The following DIAPH3 variants were observed in gnomAD, a reference collection of about 807,000 sequenced individuals.
DIAPH3 encodes the protein diaphanous related formin 3.
Under a neutral mutation model 144.3 loss-of-function variants are expected in DIAPH3, and 117 were observed. The ratio of observed to expected loss-of-function variants is 0.81; its 90% CI spans 0.70 to 0.95. DIAPH3 has a LOEUF of 0.95. DIAPH3 is among the 40% of genes least tolerant of loss of function. The pLI, the probability that DIAPH3 is intolerant of heterozygous loss-of-function variation, is 0.00. For synonymous variants in DIAPH3, 519 were observed against 488.9 expected (o/e 1.06, Z -0.81); for missense variants, 1,421 against 1,412.7 (o/e 1.01, Z -0.09).
intron 5 of DIAPH3, among the ~76,000 whole-genome samples, chr13:60,039,613 T>A (rs2055484887): frequency 6.6e-6 from 1 of 152,066 alleles, no homozygotes; most frequent in South Asian, 2.1e-4. Flanking sequence ...CTTCCTTCAT[T>A]TTTTATTTAA....
At chr13:59,673,596 A>G (rs1250953480) in intron 27 of DIAPH3, among the ~76,000 whole-genome samples, 1 of 152,120 alleles carries the variant, frequency 6.6e-6, no homozygotes, top group East Asian at 1.9e-4. Flanking sequence ...ATGACTCAGG[A>G]TGGGGGTTAA....
At chr13:60,130,670 C>T (rs1325706288) in intron 2 of DIAPH3, among the ~76,000 whole-genome samples, 2 of 152,200 alleles carry the variant, frequency 1.3e-5, no homozygotes, top group African/African-American at 4.8e-5. Context: ...AAAATACTCA[C>T]TATGTGCCAG....
intron 27 of DIAPH3, among the ~76,000 whole-genome samples, chr13:59,744,084 T>A (rs1217260344): frequency 1.3e-5 from 2 of 152,300 alleles, no homozygotes; most frequent in South Asian, 4.1e-4. Flanking sequence ...CATATGTTCA[T>A]TTTGAGAAAA....
rs2050761676 is a variant in DIAPH3, at chr13:59,977,799, T to C, written c.1545+2996A>G. On this transcript the variant is annotated intron_variant, in intron 14 of 27. Coordinates refer to ENST00000400324, the MANE Select transcript of DIAPH3 (RefSeq NM_001042517.2). ...TTTACAAGCTAGAAAAAAAGTGTTG[T>C]TATTTGGGGAAAATAAATAAGGTTA... Among the ~76,000 whole-genome samples, 8 of 151,790 alleles carry C rather than the reference T, an allele frequency of 5.3e-5. No homozygotes were observed. In the South Asian group the frequency reaches 1.7e-3, roughly 31 times the overall value.
chr13:59,809,134 G>A (rs2040338745), intron 25 of DIAPH3, among the ~76,000 whole-genome samples: 1 of 152,024 alleles, frequency 6.6e-6, no homozygotes, highest in Admixed American at 6.5e-5. Context: ...TCAGACCCTG[G>A]GCAAAACCCA....
At chr13:59,818,280 T>G (rs373043916) in intron 24 of DIAPH3, among the ~76,000 whole-genome samples, 133 of 152,070 alleles carry the variant, frequency 8.7e-4, no homozygotes, top group African/African-American at 2.7e-3. Context: ...TGAAAAACAC[T>G]TTTGTTTCCT....
chr13:59,953,355 C>A (rs994672638), intron 17 of DIAPH3, among the ~76,000 whole-genome samples: 7 of 152,008 alleles, frequency 4.6e-5, no homozygotes, highest in African/African-American at 1.7e-4. Flanking sequence ...AAAATGTTTC[C>A]AGAAGCTTCA....
rs200748052 is a variant in DIAPH3 at position 59,983,881 on chromosome 13, T to C, written c.1368A>G (p.Gln456=). The part of the protein sequence containing the change: ...LIRNDYFIRQ[Q]YFKLIDECVS... ...CACACTCATCAATTAATTTGAAGTATTGTTGCCTAAAACCAAAGAAAAGAG... is the reference window on the plus strand; with the variant it reads ...CACACTCATCAATTAATTTGAAGTACTGTTGCCTAAAACCAAAGAAAAGAG... Residue 456 remains glutamine (Q), a synonymous_variant, in exon 13 of 28, where the codon CAA becomes CAG. Transcript: ENST00000400324. 201 of 1,596,234 alleles carry C rather than the reference T, an allele frequency of 1.3e-4. No homozygotes were observed. Among genetic ancestry groups the C allele is most frequent in the South Asian group, 4.0e-4 (36 of 90,550 alleles).
chr13:59,705,707 T>C (rs1418667263), intron 27 of DIAPH3, among the ~76,000 whole-genome samples: 2 of 152,182 alleles, frequency 1.3e-5, no homozygotes, highest in East Asian at 3.8e-4. Context: ...TTTCAAAGTA[T>C]ACAATACACA....
intron 21 of DIAPH3, among the ~76,000 whole-genome samples, chr13:59,872,668 G>A (rs2044349583): frequency 6.6e-6 from 1 of 152,236 alleles, no homozygotes; most frequent in Non-Finnish European, 1.5e-5. Context: ...CAGGAATGGA[G>A]TGTCTTGTTT....
intron 25 of DIAPH3, among the ~76,000 whole-genome samples, chr13:59,777,565 T>C (rs1312119827): frequency 6.6e-6 from 1 of 152,198 alleles, no homozygotes; most frequent in Non-Finnish European, 1.5e-5. Flanking sequence ...ATCTGGTAGA[T>C]ACCACCTTAT....
At chr13:59,791,930 G>A (rs561421617) in intron 25 of DIAPH3, among the ~76,000 whole-genome samples, 1 of 152,262 alleles carries the variant, frequency 6.6e-6, no homozygotes, top group African/African-American at 2.4e-5. Flanking sequence ...CCTAGCCACT[G>A]GGGATTGCTG....
chr13:59,933,536 T>C (rs141359876), intron 17 of DIAPH3, among the ~76,000 whole-genome samples: 561 of 152,330 alleles, frequency 3.7e-3, no homozygotes, highest in Non-Finnish European at 6.7e-3. Flanking sequence ...TTCTCAAATA[T>C]AACATGAAAC....
chr13:60,157,801 T>C (rs548355455), intron 1 of DIAPH3, among the ~76,000 whole-genome samples: 2 of 152,284 alleles, frequency 1.3e-5, no homozygotes, highest in East Asian at 1.9e-4. Flanking sequence ...TACTGTCCCA[T>C]CCGCTGGATG....
chr13:60,024,263 A>G (rs2054232409), intron 5 of DIAPH3, among the ~76,000 whole-genome samples: 1 of 151,998 alleles, frequency 6.6e-6, no homozygotes, highest in East Asian at 1.9e-4. Flanking sequence ...TAATTCCCTG[A>G]GACTCTGTAT....
intron 25 of DIAPH3, among the ~76,000 whole-genome samples, chr13:59,782,387 A>G (rs1165215924): frequency 6.6e-6 from 1 of 152,146 alleles, no homozygotes; most frequent in Non-Finnish European, 1.5e-5. Context: ...CTATGCTATT[A>G]TCTAGAAATA....
intron 4 of DIAPH3, among the ~76,000 whole-genome samples, chr13:60,083,159 C>G (rs1001337989): frequency 6.6e-6 from 1 of 151,832 alleles, no homozygotes; most frequent in Non-Finnish European, 1.5e-5. Flanking sequence ...CTAGACAAGT[C>G]CCAATGGCCA....
intron 27 of DIAPH3, among the ~76,000 whole-genome samples, chr13:59,682,363 C>A (rs1713468508): frequency 6.6e-6 from 1 of 152,002 alleles, no homozygotes; most frequent in Admixed American, 6.6e-5. Flanking sequence ...TGTCTGTCGC[C>A]CAGGCTGGGG....
intron 3 of DIAPH3, among the ~76,000 whole-genome samples, chr13:60,108,765 G>T (rs1376576032): frequency 2.0e-5 from 3 of 152,126 alleles, no homozygotes; most frequent in Admixed American, 2.0e-4. Context: ...TGAAGATAGA[G>T]AAGTAAATGG....
Sources: gnomAD v4.1 joint callset for allele counts (sites outside exome capture counted in the v4.1 genomes callset) on GRCh38, gnomAD v4.1.1 for gene constraint, MANE v1.5 for transcripts, NCBI Gene and HGNC (gene_info 2026-07-23, HGNC 2026-07-21) for gene names.